The following ENOX1 variants were observed in gnomAD, a reference collection of about 807,000 sequenced individuals.
ENOX1 encodes ecto-NOX disulfide-thiol exchanger 1, also known as candidate growth-related and time keeping constitutive hydroquinone (NADH) oxidase.
In ENOX1, 42 loss-of-function variants were observed where a neutral mutation model predicts 82.5. That is an observed-to-expected ratio of 0.51 (90% CI 0.40 to 0.66). ENOX1 has a LOEUF of 0.66. Among genes scored for constraint, ENOX1 ranks in the 30% least tolerant of loss-of-function variants. The pLI is 0.00. For synonymous variants in ENOX1, 271 were observed against 282.2 expected (o/e 0.96, Z 0.40); for missense variants, 608 against 811.6 (o/e 0.75, Z 3.05).
intron 3 of ENOX1, among the ~76,000 whole-genome samples, chr13:43,465,140 CCT>C (rs2057662928): frequency 6.6e-6 from 1 of 152,098 alleles, no homozygotes; most frequent in Non-Finnish European, 1.5e-5. Context: ...TACTATTTCC[CCT>C]CTTTGGAAGC....
chr13:43,660,894 AG>A (rs1378076999), intron 2 of ENOX1, among the ~76,000 whole-genome samples: 2 of 152,312 alleles, frequency 1.3e-5, no homozygotes, highest in Non-Finnish European at 2.9e-5. Context: ...TCCTGGCATA[AG>A]GGAAAAAAAA....
At chr13:43,488,902 G>C (rs114324135) in intron 2 of ENOX1, among the ~76,000 whole-genome samples, 127 of 152,302 alleles carry the variant, frequency 8.3e-4, no homozygotes, top group African/African-American at 2.9e-3. Flanking sequence ...GTGAAATGCA[G>C]AACTTAAGAG....
intron 2 of ENOX1, among the ~76,000 whole-genome samples, chr13:43,645,613 A>G (rs2153771992): frequency 6.6e-6 from 1 of 152,358 alleles, no homozygotes; most frequent in East Asian, 1.9e-4. Flanking sequence ...TACAATATCA[A>G]TTAATCACCA....
At chr13:43,470,328 A>ATG (rs1566306506) in intron 3 of ENOX1, among the ~76,000 whole-genome samples, 1 of 57,250 alleles carries the variant, frequency 1.7e-5, no homozygotes, top group Admixed American at 2.1e-4. Flanking sequence ...ACATATATAT[A>ATG]TGTATATATA....
chr13:43,436,867 G>T (rs903065971), intron 3 of ENOX1, among the ~76,000 whole-genome samples: 2 of 152,108 alleles, frequency 1.3e-5, no homozygotes, highest in African/African-American at 2.4e-5. Flanking sequence ...TAACTGGATA[G>T]TCATAATCCT....
chr13:43,464,907 C>A (rs893001361), intron 3 of ENOX1, among the ~76,000 whole-genome samples: 1 of 152,140 alleles, frequency 6.6e-6, no homozygotes, highest in Non-Finnish European at 1.5e-5. Context: ...TCTTGCTTCC[C>A]ATGACATTGA....
chr13:43,579,758 C>T (rs1035751274), intron 2 of ENOX1, among the ~76,000 whole-genome samples: 3 of 152,112 alleles, frequency 2.0e-5, no homozygotes, highest in Non-Finnish European at 4.4e-5. Context: ...ACTTTGAGAT[C>T]TTCAAATAAG....
intron 1 of ENOX1, among the ~76,000 whole-genome samples, chr13:43,691,934 T>C (rs2086389002): frequency 1.3e-5 from 2 of 152,212 alleles, no homozygotes; most frequent in Non-Finnish European, 1.5e-5. Flanking sequence ...TCTCCTGACC[T>C]TGTGATCCAC....
At chr13:43,272,996 G>C (rs2044779582) in intron 12 of ENOX1, among the ~76,000 whole-genome samples, 1 of 152,094 alleles carries the variant, frequency 6.6e-6, no homozygotes, top group African/African-American at 2.4e-5. Context: ...CTCTCTCCAG[G>C]GGATCCTATT....
At chr13:43,451,856 G>C (rs2153631215) in intron 3 of ENOX1, among the ~76,000 whole-genome samples, 1 of 152,278 alleles carries the variant, frequency 6.6e-6, no homozygotes, top group Non-Finnish European at 1.5e-5. Context: ...AATCCCTTAT[G>C]TAGGTTATAT....
chr13:43,780,102 A>G (rs1412046013), intron 1 of ENOX1, among the ~76,000 whole-genome samples: 3 of 151,470 alleles, frequency 2.0e-5, no homozygotes, highest in Admixed American at 6.6e-5. Context: ...CAGAGCTTGC[A>G]GTGAGCCGAG....
intron 5 of ENOX1, among the ~76,000 whole-genome samples, chr13:43,372,020 C>T (rs2153568157): frequency 1.3e-5 from 2 of 152,248 alleles, no homozygotes; most frequent in South Asian, 4.2e-4. Context: ...ATAGTATCCT[C>T]TTCAACAAGT....
At chr13:43,659,248 G>A (rs547163245) in intron 2 of ENOX1, among the ~76,000 whole-genome samples, 18 of 152,114 alleles carry the variant, frequency 1.2e-4, no homozygotes, top group African/African-American at 3.9e-4. Flanking sequence ...CAGCATTTTG[G>A]GGGGCAGAGG....
chr13:43,654,745 T>C (rs1164712779), intron 2 of ENOX1, among the ~76,000 whole-genome samples: 2 of 152,210 alleles, frequency 1.3e-5, no homozygotes, highest in Non-Finnish European at 1.5e-5. Context: ...ATAATCTTTC[T>C]GGTGGCTGAG....
intron 1 of ENOX1, among the ~76,000 whole-genome samples, chr13:43,700,818 GAAA>G (rs2086869300): frequency 6.6e-6 from 1 of 152,056 alleles, no homozygotes; most frequent in Admixed American, 6.6e-5. Context: ...TGTCTTGAAA[GAAA>G]AACCTCAGCT....
At chr13:43,339,408 C>T (rs980826986) in intron 9 of ENOX1, among the ~76,000 whole-genome samples, 1 of 152,174 alleles carries the variant, frequency 6.6e-6, no homozygotes, top group South Asian at 2.1e-4. Context: ...TTCCCTTGTC[C>T]TATTCAACCA....
chr13:43,635,146 G>T (rs1056646322), intron 2 of ENOX1, among the ~76,000 whole-genome samples: 1 of 152,152 alleles, frequency 6.6e-6, no homozygotes, highest in Non-Finnish European at 1.5e-5. Context: ...GACAGTAGGG[G>T]ATAAAAAGGG....
At chr13:43,775,927 T>A (rs1425658198) in intron 1 of ENOX1, among the ~76,000 whole-genome samples, 3 of 151,328 alleles carry the variant, frequency 2.0e-5, no homozygotes, top group Non-Finnish European at 2.9e-5. Context: ...CCTTCTTAAT[T>A]TGCCTTGTTT....
chr13:43,323,227 T>A (rs2047915451), intron 10 of ENOX1, among the ~76,000 whole-genome samples: 1 of 152,194 alleles, frequency 6.6e-6, no homozygotes, highest in Admixed American at 6.5e-5. Context: ...CACAAACAGA[T>A]GCCCTTTCTT....
Sources: allele counts gnomAD v4.1 joint callset (sites outside exome capture counted in the v4.1 genomes callset), GRCh38; gene constraint gnomAD v4.1.1; transcripts MANE v1.5; gene names NCBI Gene and HGNC (gene_info 2026-07-23, HGNC 2026-07-21).